The following DPYD variants were observed in gnomAD, a reference collection of about 807,000 sequenced individuals.
The protein encoded by DPYD is dihydropyrimidine dehydrogenase.
Under a neutral mutation model 116.2 loss-of-function variants are expected in DPYD, and 109 were observed. The ratio of observed to expected loss-of-function variants is 0.94; its 90% CI spans 0.80 to 1.10. The LOEUF (loss-of-function observed/expected upper bound fraction) is 1.10. Ranked by LOEUF, DPYD falls within the 50% of genes least tolerant of loss-of-function variation. DPYD has a pLI of 0.00. For missense variants in DPYD, 1,302 were observed against 1,254.5 expected (o/e 1.04, Z -0.57); for synonymous variants, 440 against 432.0 (o/e 1.02, Z -0.23).
At chr1:97,755,781 A>T (rs1665193675) in intron 3 of DPYD, among the ~76,000 whole-genome samples, 1 of 152,190 alleles carries the variant, frequency 6.6e-6, no homozygotes, top group African/African-American at 2.4e-5. Flanking sequence ...TAAATTGCTA[A>T]TTATAGTCTA....
intron 3 of DPYD, among the ~76,000 whole-genome samples, chr1:97,787,655 G>A (rs944782816): frequency 6.6e-6 from 1 of 152,022 alleles, no homozygotes; most frequent in Non-Finnish European, 1.5e-5. Context: ...GAAAAAAAAA[G>A]CTAAATCTTA....
intron 8 of DPYD, among the ~76,000 whole-genome samples, chr1:97,611,974 A>C (rs2100749823): frequency 6.6e-6 from 1 of 152,162 alleles, no homozygotes; most frequent in African/African-American, 2.4e-5. Context: ...TATTCTCATA[A>C]CTTTATTGTT....
chr1:97,675,826 G>A (rs948453720), intron 8 of DPYD, among the ~76,000 whole-genome samples: 1 of 149,170 alleles, frequency 6.7e-6, no homozygotes, highest in Non-Finnish European at 1.5e-5. Context: ...TCGGCTCACT[G>A]CAACCTCCAC....
At chr1:97,156,627 G>A (rs564663983) in intron 20 of DPYD, among the ~76,000 whole-genome samples, 1 of 152,158 alleles carries the variant, frequency 6.6e-6, no homozygotes, top group African/African-American at 2.4e-5. Flanking sequence ...ACAGGTGCTG[G>A]AGAGGATGTG....
intron 4 of DPYD, among the ~76,000 whole-genome samples, chr1:97,725,097 C>T (rs76413586): frequency 0.013 from 2,012 of 151,556 alleles, 21 homozygotes; most frequent in Middle Eastern, 0.024. Flanking sequence ...AATAAAAGTA[C>T]AGCAAACTTA....
At chr1:97,637,679 G>A (rs1294869121) in intron 8 of DPYD, among the ~76,000 whole-genome samples, 1 of 152,142 alleles carries the variant, frequency 6.6e-6, no homozygotes, top group South Asian at 2.1e-4. Context: ...TAGGTGAGAT[G>A]TAATTTCACG....
intron 19 of DPYD, among the ~76,000 whole-genome samples, chr1:97,204,825 C>T (rs1659481540): frequency 6.6e-6 from 1 of 151,992 alleles, no homozygotes. Context: ...GGCCTCAGAG[C>T]ATTAACATTG....
intron 16 of DPYD, among the ~76,000 whole-genome samples, chr1:97,347,425 G>T (rs1352314120): frequency 6.6e-6 from 1 of 151,962 alleles, no homozygotes; most frequent in East Asian, 1.9e-4. Context: ...TGACTTACAT[G>T]ACATGATGTT....
intron 20 of DPYD, among the ~76,000 whole-genome samples, chr1:97,135,293 G>A (rs904760644): frequency 6.6e-6 from 1 of 152,040 alleles, no homozygotes; most frequent in African/African-American, 2.4e-5. Flanking sequence ...ATTAAATATG[G>A]ATCCATGTAA....
intron 7 of DPYD, among the ~76,000 whole-genome samples, chr1:97,682,600 A>C (rs915554916): frequency 2.6e-5 from 4 of 152,156 alleles, no homozygotes; most frequent in Non-Finnish European, 5.9e-5. Flanking sequence ...GTGTTAACTA[A>C]AACTGGAATT....
intron 15 of DPYD, among the ~76,000 whole-genome samples, chr1:97,377,400 CATCT>C (rs1197750724): frequency 6.6e-6 from 1 of 152,074 alleles, no homozygotes; most frequent in Non-Finnish European, 1.5e-5. Flanking sequence ...ACCTATCAAT[CATCT>C]ATCTATCTAA....
chr1:97,632,300 T>C (rs1193741693), intron 8 of DPYD, among the ~76,000 whole-genome samples: 1 of 152,130 alleles, frequency 6.6e-6, no homozygotes, highest in Non-Finnish European at 1.5e-5. Context: ...ACATTAGCGT[T>C]ATCATAGCTT....
intron 5 of DPYD, among the ~76,000 whole-genome samples, chr1:97,714,180 C>T (rs935724827): frequency 6.6e-5 from 10 of 151,920 alleles, no homozygotes; most frequent in Admixed American, 3.9e-4. Flanking sequence ...AAACACTTAA[C>T]GCTTCAAGGC....
At chr1:97,705,852 T>G (rs1008889061) in intron 5 of DPYD, among the ~76,000 whole-genome samples, 18 of 152,008 alleles carry the variant, frequency 1.2e-4, no homozygotes, top group Non-Finnish European at 2.6e-4. Context: ...GGTATCTCAT[T>G]GTGGTTTTGA....
chr1:97,144,447 A>G (rs1654460830), intron 20 of DPYD, among the ~76,000 whole-genome samples: 1 of 152,234 alleles, frequency 6.6e-6, no homozygotes, highest in Non-Finnish European at 1.5e-5. Flanking sequence ...TATATTAACA[A>G]TCTGTTCCTG....
At chr1:97,364,329 T>A (rs1187764850) in intron 16 of DPYD, among the ~76,000 whole-genome samples, 1 of 152,148 alleles carries the variant, frequency 6.6e-6, no homozygotes, top group Non-Finnish European at 1.5e-5. Context: ...ATACTAAGGT[T>A]AATGGAATTT....
intron 8 of DPYD, among the ~76,000 whole-genome samples, chr1:97,625,646 C>T (rs1032327785): frequency 6.6e-6 from 1 of 151,822 alleles, no homozygotes; most frequent in Non-Finnish European, 1.5e-5. Context: ...AGGACATAGG[C>T]ATATACAGAG....
chr1:97,698,842 A>G (rs1661441825), intron 6 of DPYD, among the ~76,000 whole-genome samples: 2 of 151,892 alleles, frequency 1.3e-5, no homozygotes, highest in Non-Finnish European at 2.9e-5. Flanking sequence ...TAATATGATC[A>G]TGTGATTTTA....
chr1:97,449,723 A>C (rs1249280123), intron 14 of DPYD, among the ~76,000 whole-genome samples: 1 of 152,138 alleles, frequency 6.6e-6, no homozygotes, highest in East Asian at 1.9e-4. Context: ...ATAGTTTACA[A>C]TTTCTTCCTA....
Sources: gnomAD v4.1 joint callset for allele counts (sites outside exome capture counted in the v4.1 genomes callset) on GRCh38, gnomAD v4.1.1 for gene constraint, MANE v1.5 for transcripts, NCBI Gene and HGNC (gene_info 2026-07-23, HGNC 2026-07-21) for gene names.